The following CLDN10 variants were observed in gnomAD, a reference collection of about 807,000 sequenced individuals.
CLDN10 encodes the protein claudin 10, also known as claudin-10.
CLDN10 carries 15 observed loss-of-function variants against 22.9 expected under a neutral mutation model. The observed-to-expected ratio is 0.65, with a 90% CI of 0.44 to 1.01. The LOEUF (loss-of-function observed/expected upper bound fraction) is 1.01, where lower values mean the gene tolerates loss of function less well. CLDN10 is among the 50% of genes least tolerant of loss of function. The pLI, the probability that CLDN10 is intolerant of heterozygous loss-of-function variation, is 0.00. For synonymous variants in CLDN10, 114 were observed against 111.4 expected, an observed-to-expected ratio of 1.02 and a Z score of -0.15; for missense variants, 247 against 287.8, an observed-to-expected ratio of 0.86 and a Z score of 1.03.
At chr13:95,552,675 G>T, upstream of CLDN10, 1 of 1,443,854 alleles carries the variant, frequency 6.9e-7, no homozygotes. Flanking sequence ...GAGGCGGGAG[G>T]CGGAGCCCCG....
chr13:95,469,372 A>G (rs1050021241), intron 1 of CLDN10, among the ~76,000 whole-genome samples: 1 of 152,250 alleles, frequency 6.6e-6, no homozygotes, highest in East Asian at 1.9e-4. Context: ...TTCACCTTCT[A>G]TATTTAGTAG....
At chr13:95,527,821 A>C (rs1418003785) in intron 1 of CLDN10, among the ~76,000 whole-genome samples, 5 of 152,214 alleles carry the variant, frequency 3.3e-5, no homozygotes, top group African/African-American at 1.2e-4. Context: ...GAAATATTCT[A>C]TGCATCCAAA....
intron 1 of CLDN10, among the ~76,000 whole-genome samples, chr13:95,559,881 T>C (rs2043682734): frequency 6.6e-6 from 1 of 152,206 alleles, no homozygotes; most frequent in African/African-American, 2.4e-5. Flanking sequence ...GTTTCCTCAC[T>C]GGTGAATATG....
chr13:95,531,624 G>T (rs1267291936), intron 1 of CLDN10, among the ~76,000 whole-genome samples: 1 of 151,846 alleles, frequency 6.6e-6, no homozygotes, highest in African/African-American at 2.4e-5. Context: ...TCCACCTCCT[G>T]GGTTCAAGCG....
chr13:95,518,787 A>G (rs1434644802), intron 1 of CLDN10, among the ~76,000 whole-genome samples: 1 of 152,122 alleles, frequency 6.6e-6, no homozygotes. Flanking sequence ...ATATAAAAGA[A>G]GTCTAATTTT....
chr13:95,519,476 T>C (rs559077378), intron 1 of CLDN10, among the ~76,000 whole-genome samples: 3 of 152,348 alleles, frequency 2.0e-5, no homozygotes, highest in South Asian at 2.1e-4. Flanking sequence ...TACAGTTAGC[T>C]AGAAGTTATA....
intron 1 of CLDN10, among the ~76,000 whole-genome samples, chr13:95,504,671 C>T (rs1157305596): frequency 1.3e-5 from 2 of 152,150 alleles, no homozygotes; most frequent in African/African-American, 2.4e-5. Context: ...TGAGCCACCA[C>T]GCCTGGCAAT....
intron 1 of CLDN10, among the ~76,000 whole-genome samples, chr13:95,555,072 C>T (rs927669605): frequency 1.1e-4 from 8 of 70,320 alleles, no homozygotes; most frequent in South Asian, 4.3e-4. Flanking sequence ...TTTTTTGAGA[C>T]GGAGTTTTGC....
intron 1 of CLDN10, among the ~76,000 whole-genome samples, chr13:95,463,330 CTTT>C (rs869042850): frequency 0.27 from 9,703 of 36,054 alleles, 635 homozygotes; most frequent in Non-Finnish European, 0.36. Context: ...ATATATTTGC[CTTT>C]TTTTTTTTTT....
At chr13:95,503,602 G>A (rs1315602255) in intron 1 of CLDN10, among the ~76,000 whole-genome samples, 1 of 152,176 alleles carries the variant, frequency 6.6e-6, no homozygotes, top group East Asian at 1.9e-4. Context: ...GTGTCCGTGG[G>A]TGGATGAATG....
chr13:95,563,130 CTCTCTG>C (rs2043739631), intron 3 of CLDN10, among the ~76,000 whole-genome samples: 1 of 150,532 alleles, frequency 6.6e-6, no homozygotes, highest in African/African-American at 2.5e-5. Flanking sequence ...CTCTCTCTCT[CTCTCTG>C]TCTGTATTCT....
intron 1 of CLDN10, among the ~76,000 whole-genome samples, chr13:95,461,909 T>G (rs560977550): frequency 6.6e-6 from 1 of 151,782 alleles, no homozygotes; most frequent in Admixed American, 6.6e-5. Flanking sequence ...CTGGGCAACA[T>G]AGCAAGACCC....
intron 3 of CLDN10, among the ~76,000 whole-genome samples, chr13:95,561,369 T>A (rs2043710302): frequency 6.6e-6 from 1 of 152,220 alleles, no homozygotes; most frequent in African/African-American, 2.4e-5. Context: ...GAAATTGATT[T>A]TCTAGTTCTG....
intron 3 of CLDN10, among the ~76,000 whole-genome samples, chr13:95,568,776 G>T (rs2043817719): frequency 6.6e-6 from 1 of 152,130 alleles, no homozygotes; most frequent in African/African-American, 2.4e-5. Flanking sequence ...AGTGGTGTAG[G>T]ACTGTCTGTC....
chr13:95,546,241 A>C (rs1267100817), intron 1 of CLDN10, among the ~76,000 whole-genome samples: 2 of 152,184 alleles, frequency 1.3e-5, no homozygotes, highest in Admixed American at 6.5e-5. Flanking sequence ...CTCTGTACAC[A>C]AAGAGTTGTC....
chr13:95,568,877 G>T (rs2043819449), intron 3 of CLDN10, among the ~76,000 whole-genome samples: 1 of 152,128 alleles, frequency 6.6e-6, no homozygotes, highest in Non-Finnish European at 1.5e-5. Flanking sequence ...CACTGTTCAA[G>T]AATAAGGACT....
intron 3 of CLDN10, among the ~76,000 whole-genome samples, chr13:95,575,103 T>A (rs538777057): frequency 2.7e-4 from 41 of 152,356 alleles, no homozygotes; most frequent in African/African-American, 8.7e-4. Context: ...TGAAGCTCAA[T>A]ATTTTCAGAA....
chr13:95,489,664 G>A (rs898763762), intron 1 of CLDN10, among the ~76,000 whole-genome samples: 1 of 152,142 alleles, frequency 6.6e-6, no homozygotes, highest in African/African-American at 2.4e-5. Context: ...CCACTCTGTG[G>A]TTGTCTGTTT....
intron 1 of CLDN10, among the ~76,000 whole-genome samples, chr13:95,442,143 C>A (rs927395421): frequency 6.6e-6 from 1 of 151,976 alleles, no homozygotes; most frequent in African/African-American, 2.4e-5. Flanking sequence ...AGAGTGAGAC[C>A]CTGTCTCAAA....
Sources: gnomAD v4.1 joint callset for allele counts (sites outside exome capture counted in the v4.1 genomes callset) on GRCh38, gnomAD v4.1.1 for gene constraint, MANE v1.5 for transcripts, NCBI Gene and HGNC (gene_info 2026-07-23, HGNC 2026-07-21) for gene names.